The following ABTB3 variants were observed in gnomAD, a reference collection of about 807,000 sequenced individuals.
ABTB3 encodes ankyrin repeat and BTB domain containing 3, also known as ankyrin repeat- and BTB/POZ domain-containing protein 3.
the ABTB3 span, among the ~76,000 whole-genome samples, chr12:107,459,293 G>A: frequency 6.6e-6 from 1 of 152,176 alleles, no homozygotes; most frequent in Non-Finnish European, 1.5e-5. Flanking sequence ...TTCTCACATT[G>A]CCGCACTGAA....
At chr12:107,526,532 C>T in the ABTB3 span, among the ~76,000 whole-genome samples, 1 of 152,092 alleles carries the variant, frequency 6.6e-6, no homozygotes, top group African/African-American at 2.4e-5. Flanking sequence ...CCTCTGAGAC[C>T]TTGTCTTGGC....
the ABTB3 span, among the ~76,000 whole-genome samples, chr12:107,526,163 CTCAG>C: frequency 6.6e-6 from 1 of 152,134 alleles, no homozygotes; most frequent in Non-Finnish European, 1.5e-5. Flanking sequence ...CTTAATGAAA[CTCAG>C]TCAGATAATA....
At chr12:107,519,238 G>A in the ABTB3 span, among the ~76,000 whole-genome samples, 1 of 152,208 alleles carries the variant, frequency 6.6e-6, no homozygotes, top group African/African-American at 2.4e-5. Flanking sequence ...GCTAGTCAGG[G>A]CATGTTTTTC....
chr12:107,591,034 G>A, the ABTB3 span, among the ~76,000 whole-genome samples: 147 of 152,260 alleles, frequency 9.7e-4, no homozygotes, highest in South Asian at 0.027. Context: ...AAGTGCTTAG[G>A]ACAAAGCCAG....
At chr12:107,640,915 T>C in the ABTB3 span, among the ~76,000 whole-genome samples, 60 of 152,226 alleles carry the variant, frequency 3.9e-4, 1 homozygote, top group Non-Finnish European at 7.8e-4. Flanking sequence ...GGGTTGACAG[T>C]TTAGAACCAC....
the ABTB3 span, among the ~76,000 whole-genome samples, chr12:107,356,979 T>C: frequency 4.6e-5 from 7 of 152,220 alleles, no homozygotes; most frequent in Non-Finnish European, 8.8e-5. Flanking sequence ...GAAAATCAGC[T>C]CAACACCTAC....
At chr12:107,335,927 C>T in the ABTB3 span, among the ~76,000 whole-genome samples, 6 of 152,300 alleles carry the variant, frequency 3.9e-5, no homozygotes, top group African/African-American at 1.4e-4. Context: ...CAGGGTCCAA[C>T]AACTGGATGC....
the ABTB3 span, among the ~76,000 whole-genome samples, chr12:107,643,612 C>G: frequency 2.8e-5 from 4 of 143,772 alleles, no homozygotes; most frequent in African/African-American, 1.1e-4. Flanking sequence ...TAGCCCTTTC[C>G]TGAATGGCAG....
the ABTB3 span, among the ~76,000 whole-genome samples, chr12:107,595,130 TG>T: frequency 6.6e-6 from 1 of 152,320 alleles, no homozygotes; most frequent in African/African-American, 2.4e-5. Flanking sequence ...TGAATGACTT[TG>T]GAAAAAAGAT....
At chr12:107,502,508 C>T in the ABTB3 span, among the ~76,000 whole-genome samples, 2 of 152,070 alleles carry the variant, frequency 1.3e-5, no homozygotes, top group African/African-American at 2.4e-5. Context: ...TTGTGACCCT[C>T]AAAACGGCCA....
chr12:107,581,197 C>A, the ABTB3 span: 2 of 1,499,000 alleles, frequency 1.3e-6, no homozygotes, highest in African/African-American at 2.8e-5. Context: ...TCCGGGTGGC[C>A]GTGGCGCACG....
At chr12:107,381,549 A>G in the ABTB3 span, among the ~76,000 whole-genome samples, 23 of 152,218 alleles carry the variant, frequency 1.5e-4, no homozygotes, top group African/African-American at 5.1e-4. Flanking sequence ...AAGAGACTAG[A>G]GAGGGCAGCG....
the ABTB3 span, chr12:107,581,311 G>A: frequency 7.5e-7 from 1 of 1,324,650 alleles, no homozygotes; most frequent in South Asian, 1.9e-5. Context: ...TCAGGTAGGC[G>A]CGGGGGCGGG....
At chr12:107,341,038 C>T in the ABTB3 span, among the ~76,000 whole-genome samples, 4 of 152,028 alleles carry the variant, frequency 2.6e-5, no homozygotes, top group African/African-American at 4.8e-5. Context: ...AACAGCGGGC[C>T]GTGGGAAGGG....
the ABTB3 span, among the ~76,000 whole-genome samples, chr12:107,559,373 CAGG>C: frequency 1.3e-5 from 2 of 152,046 alleles, no homozygotes; most frequent in African/African-American, 4.8e-5. Flanking sequence ...GGCCAACACT[CAGG>C]GGGAAAAAAC....
chr12:107,466,478 C>G, the ABTB3 span, among the ~76,000 whole-genome samples: 4 of 151,666 alleles, frequency 2.6e-5, no homozygotes, highest in Non-Finnish European at 5.9e-5. Flanking sequence ...GCACAAATGT[C>G]CAATAGAGGC....
chr12:107,562,727 T>C, the ABTB3 span, among the ~76,000 whole-genome samples: 1 of 152,362 alleles, frequency 6.6e-6, no homozygotes, highest in African/African-American at 2.4e-5. Flanking sequence ...AAACCATTGT[T>C]TGAATCCCGC....
chr12:107,648,531 G>A, the ABTB3 span, among the ~76,000 whole-genome samples: 1 of 152,100 alleles, frequency 6.6e-6, no homozygotes, highest in African/African-American at 2.4e-5. Flanking sequence ...CCATTCAAGG[G>A]ACACCAGTTT....
chr12:107,466,669 G>A, the ABTB3 span, among the ~76,000 whole-genome samples: 1 of 151,988 alleles, frequency 6.6e-6, no homozygotes, highest in African/African-American at 2.4e-5. Context: ...TTCTGCATGG[G>A]GTTGATGCCG....
Sources: gnomAD v4.1 joint callset for allele counts (sites outside exome capture counted in the v4.1 genomes callset) on GRCh38, gnomAD v4.1.1 for gene constraint, MANE v1.5 for transcripts, NCBI Gene and HGNC (gene_info 2026-07-23, HGNC 2026-07-21) for gene names.